CAST: variants seen among roughly 807,000 people sequenced by gnomAD.
The protein encoded by CAST is MIR583 host.
In CAST, 76 loss-of-function variants were observed where a neutral mutation model predicts 119.6. The ratio of observed to expected loss-of-function variants is 0.64; its 90% confidence interval spans 0.53 to 0.77. The LOEUF is 0.77. Ranked by LOEUF, CAST falls within the 30% of genes least tolerant of loss-of-function variation. The pLI, the probability that CAST is intolerant of heterozygous loss-of-function variation, is 0.00. For missense variants in CAST, 953 were observed against 946.5 expected, an observed-to-expected ratio of 1.01 and a Z score of -0.09; for synonymous variants, 319 against 331.6, an observed-to-expected ratio of 0.96 and a Z score of 0.41.
At chr5:96,585,995 A>G (rs1746853312) in intron 1 of CAST, among the ~76,000 whole-genome samples, 1 of 152,226 alleles carries the variant, frequency 6.6e-6, no homozygotes. Context: ...AAGAGTAAAA[A>G]CTAACAGCTA....
At chr5:96,742,620 CT>C in intron 15 of CAST, 34 bp from the exon 16 acceptor site, 1 of 1,366,342 alleles carries the variant, frequency 7.3e-7, no homozygotes, top group Admixed American at 1.7e-5. Flanking sequence ...CCAGAGATGT[CT>C]TTTTTCATGC....
the CAST span, among the ~76,000 whole-genome samples, chr5:96,284,213 G>A: frequency 6.6e-6 from 1 of 152,160 alleles, no homozygotes; most frequent in African/African-American, 2.4e-5. Flanking sequence ...TGATGAAGGA[G>A]GGAAAAAAGA....
At chr5:96,508,533 G>A in the CAST span, among the ~76,000 whole-genome samples, 1 of 152,174 alleles carries the variant, frequency 6.6e-6, no homozygotes, top group African/African-American at 2.4e-5. Flanking sequence ...AGTCCATAAA[G>A]TGAATTTCTG....
chr5:96,307,259 A>G, the CAST span, among the ~76,000 whole-genome samples: 1 of 152,186 alleles, frequency 6.6e-6, no homozygotes, highest in African/African-American at 2.4e-5. Flanking sequence ...TTCATCAGAG[A>G]CTAGGATTGT....
intron 2 of CAST, among the ~76,000 whole-genome samples, chr5:96,692,260 G>A (rs889660070): frequency 6.4e-4 from 98 of 152,190 alleles, no homozygotes; most frequent in African/African-American, 2.3e-3. Flanking sequence ...GTATAAGTGT[G>A]AAGAGATACC....
intron 1 of CAST, among the ~76,000 whole-genome samples, chr5:96,611,674 C>A (rs943546013): frequency 1.6e-4 from 24 of 152,052 alleles, no homozygotes; most frequent in African/African-American, 5.8e-4. Context: ...AGACAGCCTA[C>A]AAAATGGGAG....
At chr5:96,117,225 A>G in the CAST span, among the ~76,000 whole-genome samples, 37 of 152,266 alleles carry the variant, frequency 2.4e-4, 2 homozygotes, top group African/African-American at 8.7e-4. Context: ...GCCTAACCCA[A>G]TGTCACAGAG....
intron 1 of CAST, among the ~76,000 whole-genome samples, chr5:96,629,945 TGCAGTAC>T (rs1347744499): frequency 1.3e-5 from 2 of 152,216 alleles, no homozygotes; most frequent in Non-Finnish European, 2.9e-5. Context: ...CAGCTAAGCC[TGCAGTAC>T]GGTGGACTAG....
At chr5:96,612,375 A>C (rs1747379447) in intron 1 of CAST, among the ~76,000 whole-genome samples, 1 of 152,200 alleles carries the variant, frequency 6.6e-6, no homozygotes, top group Non-Finnish European at 1.5e-5. Flanking sequence ...TGAGAGCTAA[A>C]CATTGCATGC....
the CAST span, among the ~76,000 whole-genome samples, chr5:96,286,380 A>G: frequency 6.6e-6 from 1 of 152,192 alleles, no homozygotes; most frequent in Non-Finnish European, 1.5e-5. Context: ...AGGTCGATGG[A>G]TGGAAGCTGC....
chr5:96,120,535 C>T, the CAST span, among the ~76,000 whole-genome samples: 2 of 151,310 alleles, frequency 1.3e-5, no homozygotes, highest in African/African-American at 4.9e-5. Context: ...AATCAGAGAG[C>T]TCTAACTTAT....
intron 11 of CAST, among the ~76,000 whole-genome samples, chr5:96,738,597 C>T (rs1455663325): frequency 2.0e-5 from 3 of 152,014 alleles, no homozygotes; most frequent in Admixed American, 1.3e-4. Context: ...CAGTTTATCC[C>T]TATTCCTAAT....
intron 1 of CAST, among the ~76,000 whole-genome samples, chr5:96,573,176 T>A (rs761162811): frequency 6.6e-5 from 10 of 152,212 alleles, no homozygotes; most frequent in Non-Finnish European, 1.3e-4. Flanking sequence ...GTTTGATGAC[T>A]CAACTGGGTA....
the CAST span, among the ~76,000 whole-genome samples, chr5:96,377,153 A>AT: frequency 6.6e-6 from 1 of 151,872 alleles, no homozygotes; most frequent in Non-Finnish European, 1.5e-5. Flanking sequence ...TCAAACTTTC[A>AT]TTTTTTTAAA....
chr5:96,675,116 G>A (rs532381652), intron 1 of CAST, among the ~76,000 whole-genome samples: 6 of 152,264 alleles, frequency 3.9e-5, no homozygotes, highest in East Asian at 1.9e-4. Flanking sequence ...GTGGATACGC[G>A]GAAGAACTCT....
chr5:96,774,268 T>G lies in CAST; in HGVS notation c.*1652T>G, dbSNP rs1773512746. On this transcript the variant is annotated 3_prime_UTR_variant, in exon 32 of 32. Transcript: ENST00000675179. ...ATTTCCATGTGTATCTGGAAGTATT[T>G]TTAAATGGCATACCAAAATCCAGAA... 6.4e-6 allele frequency: 1 copy of G among 156,124 alleles called. No individual in the cohort carries two copies. Among genetic ancestry groups the G allele is most frequent in the African/African-American group, 2.4e-5 (1 of 41,492 alleles). 9.7% of individuals were successfully genotyped at this position (156,124 alleles called of 1,614,324 possible).
At chr5:96,597,713 T>C (rs1307878076) in intron 1 of CAST, among the ~76,000 whole-genome samples, 1 of 152,226 alleles carries the variant, frequency 6.6e-6, no homozygotes, top group African/African-American at 2.4e-5. Flanking sequence ...TTTCACCTTC[T>C]TTCTTTCCTA....
the CAST span, among the ~76,000 whole-genome samples, chr5:96,446,928 C>T: frequency 1.1e-3 from 164 of 152,288 alleles, no homozygotes; most frequent in African/African-American, 3.9e-3. Flanking sequence ...ACTGAGCTTC[C>T]TGTCGTTTGG....
chr5:96,361,163 T>C, the CAST span, among the ~76,000 whole-genome samples: 4 of 152,140 alleles, frequency 2.6e-5, no homozygotes, highest in Admixed American at 2.6e-4. Flanking sequence ...GCCTCAGTAA[T>C]GGTGGATGCC....
Sources: gnomAD v4.1 joint callset for allele counts (sites outside exome capture counted in the v4.1 genomes callset) on GRCh38, gnomAD v4.1.1 for gene constraint, MANE v1.5 for transcripts, NCBI Gene and HGNC (gene_info 2026-07-23, HGNC 2026-07-21) for gene names.